AGBL4: variants seen among roughly 807,000 people sequenced by gnomAD.
AGBL4 encodes AGBL carboxypeptidase 4.
A neutral mutation model predicts 66.4 loss-of-function variants in AGBL4; 58 were observed. The ratio of observed to expected loss-of-function variants is 0.87; its 90% confidence interval spans 0.71 to 1.09. The LOEUF (loss-of-function observed/expected upper bound fraction) is 1.09. AGBL4 is among the 50% of genes least tolerant of loss of function. The pLI is 0.00. For synonymous variants in AGBL4, 234 were observed against 222.9 expected, an observed-to-expected ratio of 1.05 and a Z score of -0.44; for missense variants, 579 against 631.0, an observed-to-expected ratio of 0.92 and a Z score of 0.88.
chr1:49,272,351 C>A (rs1263731542), intron 3 of AGBL4, among the ~76,000 whole-genome samples: 1 of 151,988 alleles, frequency 6.6e-6, no homozygotes, highest in African/African-American at 2.4e-5. Context: ...ATTATTGGGC[C>A]ATGTTCCTTA....
At chr1:49,603,941 C>G (rs1428869024) in intron 3 of AGBL4, among the ~76,000 whole-genome samples, 1 of 126,644 alleles carries the variant, frequency 7.9e-6, no homozygotes, top group Non-Finnish European at 1.6e-5. Flanking sequence ...CACACACACA[C>G]ACACACACAC....
intron 2 of AGBL4, among the ~76,000 whole-genome samples, chr1:49,831,110 T>C (rs916057978): frequency 2.0e-5 from 3 of 152,238 alleles, no homozygotes; most frequent in African/African-American, 7.2e-5. Context: ...TGGTTCCAAA[T>C]GAAATTTAAA....
intron 3 of AGBL4, among the ~76,000 whole-genome samples, chr1:49,640,624 A>G (rs1332438231): frequency 6.6e-6 from 1 of 152,166 alleles, no homozygotes; most frequent in Non-Finnish European, 1.5e-5. Context: ...GGATAATACA[A>G]TATCATGTTC....
At chr1:49,311,381 G>C (rs966554885) in intron 3 of AGBL4, among the ~76,000 whole-genome samples, 2 of 152,018 alleles carry the variant, frequency 1.3e-5, no homozygotes, top group East Asian at 3.9e-4. Context: ...TTAATGCCAT[G>C]TACAGTTCCC....
chr1:48,996,222 A>C (rs1319808931), intron 5 of AGBL4, among the ~76,000 whole-genome samples: 1 of 152,250 alleles, frequency 6.6e-6, no homozygotes, highest in Non-Finnish European at 1.5e-5. Context: ...TTGAGATACT[A>C]TGCAGACAGT....
chr1:50,003,820 G>A (rs545045835), intron 1 of AGBL4, among the ~76,000 whole-genome samples: 1 of 152,128 alleles, frequency 6.6e-6, no homozygotes, highest in Non-Finnish European at 1.5e-5. Context: ...AAAGTTTAAG[G>A]ATTTTACCTA....
Position 48,750,910 on chromosome 1 carries a change from G to T in AGBL4, c.635-87669C>A, listed in dbSNP as rs549973684. 2.0e-5 allele frequency among the ~76,000 whole-genome samples: 3 copies of T among 152,276 alleles called. No homozygotes were observed. In the East Asian group the frequency reaches 5.8e-4, roughly 29 times the overall value. On this transcript the variant is annotated intron_variant, in intron 6 of 13. Coordinates refer to ENST00000371839, the MANE Select transcript of AGBL4 (RefSeq NM_032785.4). ...CTCTAAGAATTACCCCCCACACTCA[G>T]AGTACCCCCTGGAGCAGCAAGGGAG...
chr1:48,643,316 G>A (rs1205537691), intron 8 of AGBL4, among the ~76,000 whole-genome samples: 1 of 152,168 alleles, frequency 6.6e-6, no homozygotes, highest in Non-Finnish European at 1.5e-5. Flanking sequence ...TGTCAAGCCT[G>A]TGCTGCACTC....
At chr1:49,413,953 A>G (rs1645372827) in intron 3 of AGBL4, among the ~76,000 whole-genome samples, 1 of 152,128 alleles carries the variant, frequency 6.6e-6, no homozygotes, top group East Asian at 1.9e-4. Flanking sequence ...AGTTGTTGAG[A>G]ACCTGTAATC....
At chr1:49,331,817 G>A (rs1260034613) in intron 3 of AGBL4, among the ~76,000 whole-genome samples, 1 of 151,572 alleles carries the variant, frequency 6.6e-6, no homozygotes, top group African/African-American at 2.4e-5. Context: ...TGGCCAGACT[G>A]CTTCTTTAAG....
chr1:49,270,441 T>C (rs1644031561), intron 3 of AGBL4, among the ~76,000 whole-genome samples: 1 of 150,974 alleles, frequency 6.6e-6, no homozygotes, highest in African/African-American at 2.5e-5. Flanking sequence ...CTCAGGGGGA[T>C]ATTTTTTTTT....
At chr1:48,979,227 T>C (rs1659564055) in intron 5 of AGBL4, among the ~76,000 whole-genome samples, 1 of 152,196 alleles carries the variant, frequency 6.6e-6, no homozygotes, top group Admixed American at 6.5e-5. Flanking sequence ...ATAATTGACC[T>C]GTATCCTAAA....
intron 3 of AGBL4, among the ~76,000 whole-genome samples, chr1:49,640,442 C>A (rs1645758398): frequency 6.6e-6 from 1 of 152,156 alleles, no homozygotes; most frequent in Admixed American, 6.5e-5. Flanking sequence ...GGTGTGAGAT[C>A]TTCAGATCTT....
intron 4 of AGBL4, among the ~76,000 whole-genome samples, chr1:49,174,583 A>G (rs1001528451): frequency 6.6e-6 from 1 of 152,140 alleles, no homozygotes; most frequent in African/African-American, 2.4e-5. Flanking sequence ...GTTTAGGAAC[A>G]GCCAACAGAG....
chr1:49,518,552 C>T (rs938632202), intron 3 of AGBL4, among the ~76,000 whole-genome samples: 2 of 152,014 alleles, frequency 1.3e-5, no homozygotes, highest in Non-Finnish European at 2.9e-5. Context: ...ACTTGACTTT[C>T]GTACACCCTT....
At chr1:49,546,286 C>CAT in intron 3 of AGBL4, among the ~76,000 whole-genome samples, 1 of 150,788 alleles carries the variant, frequency 6.6e-6, no homozygotes, top group East Asian at 1.9e-4. Context: ...TATATTCCAT[C>CAT]ATATATATGT....
chr1:48,935,624 C>T (rs930800569), intron 5 of AGBL4, among the ~76,000 whole-genome samples: 1 of 151,910 alleles, frequency 6.6e-6, no homozygotes, highest in African/African-American at 2.4e-5. Flanking sequence ...CCTCAAACCC[C>T]AACATGCAAG....
At chr1:48,694,359 A>G (rs1279647896) in intron 6 of AGBL4, among the ~76,000 whole-genome samples, 1 of 152,194 alleles carries the variant, frequency 6.6e-6, no homozygotes, top group South Asian at 2.1e-4. Context: ...CAAGTTCACT[A>G]CTTGCTAGGT....
At chr1:48,666,198 A>C (rs1387749975) in intron 6 of AGBL4, among the ~76,000 whole-genome samples, 2 of 152,124 alleles carry the variant, frequency 1.3e-5, no homozygotes, top group African/African-American at 4.8e-5. Flanking sequence ...AATTTAAGGT[A>C]ATGCAGCAGC....
Sources: gnomAD v4.1 joint callset for allele counts (sites outside exome capture counted in the v4.1 genomes callset) on GRCh38, gnomAD v4.1.1 for gene constraint, MANE v1.5 for transcripts, NCBI Gene and HGNC (gene_info 2026-07-23, HGNC 2026-07-21) for gene names.